The following PPP2R2B variants were observed in gnomAD, a reference collection of about 807,000 sequenced individuals.
PPP2R2B encodes protein phosphatase 2 regulatory subunit Bbeta, also known as serine/threonine-protein phosphatase 2A 55 kDa regulatory subunit B beta isoform.
A neutral mutation model predicts 46.0 loss-of-function variants in PPP2R2B; 5 were observed. The observed-to-expected ratio is 0.11, with a 90% CI of 0.06 to 0.23. The LOEUF is 0.23. Ranked by LOEUF, PPP2R2B falls within the 10% of genes least tolerant of loss-of-function variation. The pLI, the probability that PPP2R2B is intolerant of heterozygous loss-of-function variation, is 1.00. For missense variants in PPP2R2B, 367 were observed against 575.0 expected, an observed-to-expected ratio of 0.64 and a Z score of 3.70; for synonymous variants, 215 against 206.7, an observed-to-expected ratio of 1.04 and a Z score of -0.34.
At chr5:146,621,386 C>T (rs1044489016) in intron 7 of PPP2R2B, among the ~76,000 whole-genome samples, 11 of 152,194 alleles carry the variant, frequency 7.2e-5, no homozygotes, top group Admixed American at 6.5e-4. Context: ...AGGACGTAAA[C>T]CCAACTCTGG....
intron 7 of PPP2R2B, among the ~76,000 whole-genome samples, chr5:146,636,407 A>G (rs564229229): frequency 5.3e-5 from 8 of 152,246 alleles, no homozygotes; most frequent in Non-Finnish European, 1.2e-4. Context: ...TATATGGGTT[A>G]AAATGTAAAA....
chr5:146,702,641 T>G (rs1263511389), intron 2 of PPP2R2B, among the ~76,000 whole-genome samples: 3 of 152,374 alleles, frequency 2.0e-5, no homozygotes, highest in African/African-American at 7.2e-5. Flanking sequence ...TCAGGACTTT[T>G]ATGCAAAAAT....
At chr5:146,716,644 C>T (rs767932970) in intron 2 of PPP2R2B, among the ~76,000 whole-genome samples, 4 of 152,278 alleles carry the variant, frequency 2.6e-5, no homozygotes, top group South Asian at 4.1e-4. Context: ...TCACTCAATA[C>T]TACCCTGCAT....
At chr5:146,838,779 T>C (rs1355629017) in intron 2 of PPP2R2B, among the ~76,000 whole-genome samples, 3 of 152,178 alleles carry the variant, frequency 2.0e-5, no homozygotes, top group Admixed American at 6.5e-5. Context: ...CCTCATATAT[T>C]ATACCTTGGA....
intron 2 of PPP2R2B, among the ~76,000 whole-genome samples, chr5:146,853,335 T>G (rs140237712): frequency 6.6e-6 from 1 of 152,156 alleles, no homozygotes; most frequent in Non-Finnish European, 1.5e-5. Context: ...TAGAGTTCCA[T>G]GTAGTTTAAA....
intron 2 of PPP2R2B, among the ~76,000 whole-genome samples, chr5:146,775,937 G>C (rs562091519): frequency 6.6e-6 from 1 of 152,054 alleles, no homozygotes; most frequent in Non-Finnish European, 1.5e-5. Flanking sequence ...TACAAGACTT[G>C]TACACTGAAA....
At chr5:146,894,954 G>A (rs1322162770) in intron 1 of PPP2R2B, among the ~76,000 whole-genome samples, 1 of 152,058 alleles carries the variant, frequency 6.6e-6, no homozygotes, top group African/African-American at 2.4e-5. Context: ...ATATGGTGCC[G>A]GCCCTAGAAC....
At chr5:146,925,703 T>G (rs1044802112) in intron 1 of PPP2R2B, among the ~76,000 whole-genome samples, 3 of 152,198 alleles carry the variant, frequency 2.0e-5, no homozygotes, top group Admixed American at 6.5e-5. Flanking sequence ...TTTGGAAGTT[T>G]TGGCCATTAT....
chr5:147,021,461 G>C (rs573008000), intron 1 of PPP2R2B, among the ~76,000 whole-genome samples: 111 of 152,318 alleles, frequency 7.3e-4, no homozygotes, highest in African/African-American at 2.4e-3. Context: ...TGCAGTGTGA[G>C]ACTCCACAGG....
chr5:146,660,250 T>C (rs952095742), intron 5 of PPP2R2B, among the ~76,000 whole-genome samples: 1 of 152,174 alleles, frequency 6.6e-6, no homozygotes, highest in Non-Finnish European at 1.5e-5. Context: ...AATAAACCAC[T>C]AACAAATTAA....
At chr5:146,592,626 T>G (rs167723) in intron 9 of PPP2R2B, among the ~76,000 whole-genome samples, 17,538 of 152,248 alleles carry the variant, frequency 0.12, 2,477 homozygotes, top group African/African-American at 0.34. Context: ...CTACTTGGCA[T>G]TAATCTGAAC....
intron 2 of PPP2R2B, among the ~76,000 whole-genome samples, chr5:146,826,442 G>A (rs1365088238): frequency 6.6e-6 from 1 of 152,020 alleles, no homozygotes; most frequent in Non-Finnish European, 1.5e-5. Flanking sequence ...AGCTTTTTTA[G>A]GAGGAGGGGG....
intron 1 of PPP2R2B, among the ~76,000 whole-genome samples, chr5:146,940,167 CT>C (rs1189952156): frequency 6.6e-6 from 1 of 152,126 alleles, no homozygotes; most frequent in Non-Finnish European, 1.5e-5. Context: ...GCATCATTTT[CT>C]TCTTTCTCTG....
At chr5:146,784,734 T>G (rs1755734225) in intron 2 of PPP2R2B, among the ~76,000 whole-genome samples, 1 of 152,220 alleles carries the variant, frequency 6.6e-6, no homozygotes, top group Admixed American at 6.5e-5. Flanking sequence ...GTGTTGATTT[T>G]AAAACATTGT....
intron 2 of PPP2R2B, among the ~76,000 whole-genome samples, chr5:146,723,815 T>C (rs1431497796): frequency 6.6e-6 from 1 of 152,126 alleles, no homozygotes; most frequent in African/African-American, 2.4e-5. Flanking sequence ...TTTATTTCTC[T>C]TCCTCCCACC....
chr5:146,796,246 C>T (rs756811427), intron 2 of PPP2R2B, among the ~76,000 whole-genome samples: 3 of 152,168 alleles, frequency 2.0e-5, no homozygotes, highest in Non-Finnish European at 4.4e-5. Flanking sequence ...GATAGGTCCA[C>T]GTATGCTCCC....
At chr5:146,624,580 C>T (rs382061) in intron 7 of PPP2R2B, among the ~76,000 whole-genome samples, 6,513 of 152,256 alleles carry the variant, frequency 0.043, 449 homozygotes, top group African/African-American at 0.15. Flanking sequence ...TCTACTCTTC[C>T]TCCTGAGGCT....
At chr5:146,715,088 T>G (rs1015936849) in intron 2 of PPP2R2B, among the ~76,000 whole-genome samples, 1 of 152,182 alleles carries the variant, frequency 6.6e-6, no homozygotes, top group Admixed American at 6.5e-5. Context: ...CCTTAATATC[T>G]TATAGAAACA....
intron 2 of PPP2R2B, among the ~76,000 whole-genome samples, chr5:146,720,457 A>G (rs1174594414): frequency 1.3e-5 from 2 of 152,202 alleles, no homozygotes; most frequent in Non-Finnish European, 2.9e-5. Context: ...GTGCTATACA[A>G]CAATACTTCA....
Sources: allele counts gnomAD v4.1 joint callset (sites outside exome capture counted in the v4.1 genomes callset), GRCh38; gene constraint gnomAD v4.1.1; transcripts MANE v1.5; gene names NCBI Gene and HGNC (gene_info 2026-07-23, HGNC 2026-07-21).